ANKRD12: variants seen among roughly 807,000 people sequenced by gnomAD.
ANKRD12 encodes the protein ankyrin repeat domain 12, also known as ankyrin repeat domain-containing protein 12.
Under a neutral mutation model 183.4 loss-of-function variants are expected in ANKRD12, and 85 were observed. The ratio of observed to expected loss-of-function variants is 0.46; its 90% CI spans 0.39 to 0.56. The LOEUF is 0.56. ANKRD12 is among the 20% of genes least tolerant of loss of function. The pLI is 0.00. For missense variants in ANKRD12, 2,405 were observed against 2,357.1 expected, an observed-to-expected ratio of 1.02 and a Z score of -0.42; for synonymous variants, 914 against 800.2, an observed-to-expected ratio of 1.14 and a Z score of -2.40.
At chr18:9,217,467 C>T (rs1366098203) in intron 7 of ANKRD12, among the ~76,000 whole-genome samples, 1 of 152,156 alleles carries the variant, frequency 6.6e-6, no homozygotes, top group Non-Finnish European at 1.5e-5. Flanking sequence ...TTAAGATGGT[C>T]TAGAAGTATC....
chr18:9,225,869 C>G (rs1457472437), intron 8 of ANKRD12, among the ~76,000 whole-genome samples: 1 of 152,020 alleles, frequency 6.6e-6, no homozygotes, highest in Non-Finnish European at 1.5e-5. Flanking sequence ...CCTGTACCCA[C>G]TAACTACATT....
intron 1 of ANKRD12, among the ~76,000 whole-genome samples, chr18:9,150,205 G>A (rs895937013): frequency 6.6e-6 from 1 of 152,122 alleles, no homozygotes; most frequent in African/African-American, 2.4e-5. Flanking sequence ...TTACTGGATT[G>A]AGCTTGTGTC....
At chr18:9,195,004 T>TA (rs1278738312) in intron 2 of ANKRD12, among the ~76,000 whole-genome samples, 1 of 152,066 alleles carries the variant, frequency 6.6e-6, no homozygotes, top group African/African-American at 2.4e-5. Flanking sequence ...ATGCAGCCAT[T>TA]AAAAAGAATG....
At chr18:9,176,480 G>A (rs557193038) in intron 1 of ANKRD12, among the ~76,000 whole-genome samples, 99 of 151,878 alleles carry the variant, frequency 6.5e-4, no homozygotes, top group African/African-American at 2.3e-3. Flanking sequence ...TTGTAGAGGC[G>A]GGGTTTCACC....
chr18:9,143,855 G>A (rs997036948), intron 1 of ANKRD12, among the ~76,000 whole-genome samples: 4 of 152,162 alleles, frequency 2.6e-5, no homozygotes. Context: ...GTTATTGAAA[G>A]TAAGCAAGAA....
Position 9,285,284 on chromosome 18 carries a change from AGCCAAGCGTGACGGT to A in ANKRD12, c.*4162_*4176del, listed in dbSNP as rs2040197189. On this transcript the variant is annotated 3_prime_UTR_variant, in exon 13 of 13. Coordinates refer to ENST00000262126, the MANE Select transcript of ANKRD12 (RefSeq NM_015208.5). ...TTTCTCTACTAAAAATACAAAAATT[AGCCAAGCGTGACGGT>A]GCCTGCCTGTAGTCCTAGCTACTTG... 6.6e-6 allele frequency: 1 copy of A among 151,720 alleles called. No homozygotes were observed. Among genetic ancestry groups the A allele is most frequent in the African/African-American group, 2.4e-5 (1 of 41,350 alleles). 9.4% of individuals were successfully genotyped at this position (151,720 alleles called of 1,614,324 possible). A position where few individuals can be genotyped will look rare whatever the true frequency, so the allele number is the denominator to read the frequency against.
chr18:9,202,008 A>G (rs2035200619), intron 3 of ANKRD12, among the ~76,000 whole-genome samples: 2 of 152,102 alleles, frequency 1.3e-5, no homozygotes, highest in South Asian at 2.1e-4. Context: ...TTGTATTTTT[A>G]GTAGAGATGG....
intron 2 of ANKRD12, among the ~76,000 whole-genome samples, chr18:9,184,214 T>G (rs79510124): frequency 6.6e-4 from 101 of 152,298 alleles, no homozygotes; most frequent in African/African-American, 2.3e-3. Flanking sequence ...AAATCAATGT[T>G]TATGTAGTTT....
At chr18:9,172,036 A>G (rs1470356823) in intron 1 of ANKRD12, among the ~76,000 whole-genome samples, 1 of 151,648 alleles carries the variant, frequency 6.6e-6, no homozygotes, top group Admixed American at 6.6e-5. Context: ...AAAAAAAAAA[A>G]AAAACGAATG....
Position 9,275,585 on chromosome 18 carries a change from C to T in ANKRD12, c.5825C>T (p.Thr1942Ile). The T allele has an allele frequency of 6.2e-7, 1 of 1,611,458 alleles. No individual in the cohort carries two copies. The highest frequency in any genetic ancestry group is 8.5e-7 in the Non-Finnish European group (1 of 1,178,050). The change falls in exon 11 of 13, where the codon ACA becomes ATA. Residue 1942 changes from threonine to isoleucine, a missense_variant. Transcript: ENST00000262126. Reference sequence around the variant, plus strand: ...CGAGTTCATTACAGAGCTGCAAGAACATTGGCAAATCAAACACTGCCATTT... The same window carrying T: ...CGAGTTCATTACAGAGCTGCAAGAATATTGGCAAATCAAACACTGCCATTT... ...VLRVHYRAAR[T>I]LANQTLPFSA...
chr18:9,176,650 C>T (rs2033294534), intron 1 of ANKRD12, among the ~76,000 whole-genome samples: 2 of 152,136 alleles, frequency 1.3e-5, no homozygotes, highest in South Asian at 4.1e-4. Context: ...GGCATCTGTA[C>T]ATCTTCTTTA....
At chr18:9,253,554 T>C (rs1220101182) in intron 8 of ANKRD12, among the ~76,000 whole-genome samples, 1 of 152,256 alleles carries the variant, frequency 6.6e-6, no homozygotes, top group Non-Finnish European at 1.5e-5. Flanking sequence ...ACTGTGTATA[T>C]GAACCACATT....
rs1381824647 is a variant in ANKRD12 at position 9,204,269 on chromosome 18, A to C, written c.236-207A>C. 2.0e-5 allele frequency among the ~76,000 whole-genome samples: 3 copies of C among 152,250 alleles called. No individual in the cohort carries two copies. The East Asian group carries it at 5.8e-4, about 29-fold the overall frequency. ...CTGCATGGTTGAATTTCCCAACTTT[A>C]AGATATTTTTGTTGAAAAATTTGAA... On this transcript the variant is annotated intron_variant, in intron 3 of 12. Coordinates refer to ENST00000262126, the MANE Select transcript of ANKRD12 (RefSeq NM_015208.5).
rs142536119 is a variant in ANKRD12, at chr18:9,266,378, T to C, written c.5763+2490T>C. Among the ~76,000 whole-genome samples the C allele has an allele frequency of 6.8e-3, 1,033 of 152,286 alleles. 10 individuals are homozygous for C. Among genetic ancestry groups the C allele is most frequent in the African/African-American group, 0.023 (956 of 41,532 alleles). On this transcript the variant is annotated intron_variant, in intron 10 of 12. Transcript: ENST00000262126. ...GGGCAGCCAGAGAGAAAGGTTGGGT[T>C]ACCCACAAAGGGAAGCCCATCAGAT...
chr18:9,257,050 G>A lies in ANKRD12; in HGVS notation c.3783G>A (p.Arg1261=). 2 of 1,614,076 alleles carry A rather than the reference G, an allele frequency of 1.2e-6. No homozygotes were observed. The highest frequency in any genetic ancestry group is 1.7e-6 in the Non-Finnish European group (2 of 1,179,990). ...SIAKSPALHE[R]ELDSLADLPE... is the part of the protein sequence containing the mutation. ...CCAAATCTCCTGCTCTTCATGAAAGGGAATTGGACAGCCTGGCTGACTTGC... is the reference window on the plus strand; with the variant it reads ...CCAAATCTCCTGCTCTTCATGAAAGAGAATTGGACAGCCTGGCTGACTTGC... Residue 1261 remains arginine (R), a synonymous_variant, in exon 9 of 13, where the codon AGG becomes AGA. Coordinates refer to ENST00000262126, the MANE Select transcript of ANKRD12 (RefSeq NM_015208.5).
intron 8 of ANKRD12, among the ~76,000 whole-genome samples, chr18:9,234,882 G>A (rs573505306): frequency 6.6e-6 from 1 of 152,076 alleles, no homozygotes; most frequent in South Asian, 2.1e-4. Flanking sequence ...ATGGGGTTGT[G>A]GACTACTAAA....
intron 1 of ANKRD12, among the ~76,000 whole-genome samples, chr18:9,158,942 C>T (rs959389049): frequency 2.0e-5 from 3 of 152,166 alleles, no homozygotes; most frequent in Admixed American, 6.6e-5. Flanking sequence ...CTACTATATT[C>T]TGTTTTTCAA....
At chr18:9,249,822 A>G (rs1254684764) in intron 8 of ANKRD12, 1 of 152,236 alleles carries the variant, frequency 6.6e-6, no homozygotes, top group Admixed American at 6.5e-5. Flanking sequence ...GAAAATAATA[A>G]AGAGAAGCTG....
At position 9,255,235 on chromosome 18, in the gene ANKRD12, G is replaced by A. The variant is rs1487916944; in HGVS notation, c.1968G>A (p.Lys656=). 4.5e-6 allele frequency: 7 copies of A among 1,568,012 alleles called. No homozygotes were observed. Among genetic ancestry groups the A allele is most frequent in the Middle Eastern group, 1.7e-4 (1 of 5,808 alleles). Residue 656 remains lysine (K), a synonymous_variant, in exon 9 of 13, where the codon AAG becomes AAA. Transcript: ENST00000262126. ...EGKTLKKHKL[K]HKEREKEKHK... is the part of the protein sequence containing the mutation. ...AAACATTAAAAAAACATAAATTGAA[G>A]CATAAAGAGAGGGAAAAAGAAAAGC...
Sources: gnomAD v4.1 joint callset for allele counts (sites outside exome capture counted in the v4.1 genomes callset) on GRCh38, gnomAD v4.1.1 for gene constraint, MANE v1.5 for transcripts, NCBI Gene and HGNC (gene_info 2026-07-23, HGNC 2026-07-21) for gene names.